SREBF1: variants seen among roughly 807,000 people sequenced by gnomAD.
The protein encoded by SREBF1 is sterol regulatory element-binding protein 1.
In SREBF1, 45 loss-of-function variants were observed where a neutral mutation model predicts 100.1. The observed-to-expected ratio is 0.45, with a 90% confidence interval of 0.35 to 0.58. SREBF1 has a LOEUF of 0.58. Ranked by LOEUF, SREBF1 falls within the 20% of genes least tolerant of loss-of-function variation. SREBF1 has a pLI of 0.00. For synonymous variants in SREBF1, 657 were observed against 681.8 expected (o/e 0.96, Z 0.57); for missense variants, 1,324 against 1,539.4 (o/e 0.86, Z 2.34).
chr17:17,829,206 AT>A (rs57922775), intron 1 of SREBF1, among the ~76,000 whole-genome samples: 54,904 of 92,864 alleles, frequency 0.59, 16,788 homozygotes, highest in Non-Finnish European at 0.66. Context: ...AAAAAAAAAA[AT>A]ATATATATAT....
Position 17,816,279 on chromosome 17 carries a change from C to G in SREBF1, c.2142G>C (p.Thr714=), listed in dbSNP as rs201544341. 502 of 1,598,848 alleles carry G rather than the reference C, an allele frequency of 3.1e-4. No individual in the cohort carries two copies. Among genetic ancestry groups the G allele is most frequent in the Middle Eastern group, 1.2e-3 (7 of 6,052 alleles). ...CAGCCGCCACATAGATCTCGGCCAG[C>G]GTCGCCACAGACACGGCATCCCCTG... The part of the protein sequence containing the change: ...ECAGDAVSVA[T]LAEIYVAAAL... Residue 714 remains threonine (T), a synonymous_variant, in exon 11 of 19, where the codon ACG becomes ACC. Coordinates refer to ENST00000261646, the MANE Select transcript of SREBF1 (RefSeq NM_004176.5).
chr17:17,820,209 GGGGT>G lies in SREBF1; in HGVS notation c.400_403del (p.Thr134ProfsTer29). On this transcript the variant is annotated frameshift_variant, in exon 2 of 19. Transcript: ENST00000261646. LOFTEE classifies it high-confidence loss of function. ...GGCCCCTGGCAGGGGCTGTGGGGTG[GGGGT>G]CTGCAGGATGCTCAGTGGCACTGAC... 6.2e-7 allele frequency: 1 copy of G among 1,613,506 alleles called. No homozygotes were observed. Among genetic ancestry groups the G allele is most frequent in the African/African-American group, 1.3e-5 (1 of 74,984 alleles).
chr17:17,823,550 G>A, intron 1 of SREBF1: 1 of 1,613,576 alleles, frequency 6.2e-7, no homozygotes. Context: ...TCCGCGATCT[G>A]CGCCCGCCCT....
rs1343130850 is a variant in SREBF1 at position 17,815,973 on chromosome 17, G to A, written c.2270C>T (p.Pro757Leu). 6.2e-7 allele frequency: 1 copy of A among 1,612,764 alleles called. No homozygotes were observed. Among genetic ancestry groups the A allele is most frequent in the South Asian group, 1.1e-5 (1 of 91,092 alleles). Residue 757 changes from proline to leucine, a missense_variant, in exon 12 of 19, where the codon CCT becomes CTT. Physicochemically the swap from Pro to Leu is moderately conservative, Grantham distance 98 (BLOSUM62 -3). Transcript: ENST00000261646. ...GTGGCAGAGCCACTGCATGGCAGGA[G>A]GCACTGAGCCACTCTGTGCCAGGCA... ...QACLAQSGSV[P>L]PAMQWLCHPV...
intron 1 of SREBF1, chr17:17,823,522 G>A: frequency 1.2e-6 from 2 of 1,612,504 alleles, no homozygotes; most frequent in Non-Finnish European, 8.5e-7. Flanking sequence ...AAATACCTTC[G>A]AAAGTGCAAT....
intron 12 of SREBF1, 151 bp from the exon 13 acceptor site, chr17:17,815,480 G>A: frequency 1.5e-6 from 1 of 647,930 alleles, no homozygotes; most frequent in Non-Finnish European, 2.7e-6. Flanking sequence ...AAGGACAGGG[G>A]AAAGCGGGTG....
At position 17,817,188 on chromosome 17, in the gene SREBF1, C is replaced by G; in HGVS notation, c.1607-52G>C. ...ACAGCTCCCAGGAAATCCAGAGCCC[C>G]AAGTTCACAAGCCTGGGGGCTCACC... On this transcript the variant is annotated intron_variant, in intron 8 of 18. Coordinates refer to ENST00000261646, the MANE Select transcript of SREBF1 (RefSeq NM_004176.5). The surrounding 1 kb of genome is among the most constrained non-coding windows in gnomAD (Gnocchi z 6.6). 1 of 1,612,016 alleles carries G rather than the reference C, an allele frequency of 6.2e-7. No homozygotes were observed. Among genetic ancestry groups the G allele is most frequent in the Non-Finnish European group, 8.5e-7 (1 of 1,179,470 alleles).
chr17:17,817,039 ACCG>A lies in SREBF1; in HGVS notation c.1701_1703del (p.Gly568del). 1 of 1,613,120 alleles carries A rather than the reference ACCG, an allele frequency of 6.2e-7. No homozygotes were observed. ...CTGAGTGGGGCCGTGTGACTGGCTC[ACCG>A]TAGACAAAGAGAAGCACCAAGGAGA... On this transcript the variant is annotated inframe_deletion, in exon 9 of 19. Transcript: ENST00000261646. This position sits in a 1 kb window ranked among gnomAD's most constrained non-coding sequence, Gnocchi z 6.6.
In SREBF1 at chr17:17,833,460, T is replaced by A. The variant is rs1209572068; in HGVS notation, c.91+3267A>T. Among the ~76,000 whole-genome samples the A allele has an allele frequency of 4.9e-5, 6 of 123,614 alleles. No homozygotes were observed. The East Asian group carries it at 1.0e-3, about 21-fold the overall frequency. The allele number at this position is 123,614 out of a possible 152,430, so 81.1% of individuals were successfully genotyped here. ...AAAAAAAAAAAAAAAAATATATATA[T>A]ATATATATATATATACACACACACA... On this transcript the variant is annotated intron_variant, in intron 1 of 18. Coordinates refer to ENST00000261646, the MANE Select transcript of SREBF1 (RefSeq NM_004176.5).
At position 17,814,749 on chromosome 17, in the gene SREBF1, T is replaced by A. The variant is rs1425833161; in HGVS notation, c.2603-2A>T. The A allele has an allele frequency of 1.9e-6, 3 of 1,611,474 alleles. No homozygotes were observed. The highest frequency in any genetic ancestry group is 3.3e-5 in the Admixed American group (2 of 59,900). ...ACCACTTGGCCACCGGGTCTACGCC[T>A]GCAGAAGAGGGAGGGTCCCCTGAAC... On this transcript the variant is annotated splice_acceptor_variant, in intron 14 of 18. Transcript: ENST00000261646. LOFTEE classifies it high-confidence loss of function.
In SREBF1 at chr17:17,814,181, G is replaced by C. The variant is rs537939492; in HGVS notation, c.2901+64C>G. 53 of 1,531,550 alleles carry C rather than the reference G, an allele frequency of 3.5e-5. No individual in the cohort carries two copies. The African/African-American group carries it at 5.6e-4, about 16-fold the overall frequency. The allele number at this position is 1,531,550 out of a possible 1,614,324, so 94.9% of individuals were successfully genotyped here. A position where few individuals can be genotyped will look rare whatever the true frequency, so the allele number is the denominator to read the frequency against. ...TTCTGCAGCCCCTGGGGGCTGGGGAGAGGAACCAGGGAATGGAAAGCTGAA... is the reference window on the plus strand; with the variant it reads ...TTCTGCAGCCCCTGGGGGCTGGGGACAGGAACCAGGGAATGGAAAGCTGAA... On this transcript the variant is annotated intron_variant, in intron 16 of 18. Coordinates refer to ENST00000261646, the MANE Select transcript of SREBF1 (RefSeq NM_004176.5).
Position 17,814,351 on chromosome 17 carries a change from C to T in SREBF1, c.2795G>A (p.Cys932Tyr). ...SFKAARALLG[C>Y]AKAESGPASL... ...GGCTGGACCAGACTCTGCCTTGGCA[C>T]AGCCCAGCAGGGCCCGGGCAGCCTT... The change falls in exon 16 of 19, where the codon TGT becomes TAT. Residue 932 changes from cysteine to tyrosine, a missense_variant. By Grantham distance (194) the Cys-to-Tyr change is radical (BLOSUM62 -2). Transcript: ENST00000261646. 6.3e-7 allele frequency: 1 copy of T among 1,578,836 alleles called. No individual in the cohort carries two copies. Among genetic ancestry groups the T allele is most frequent in the Non-Finnish European group, 8.6e-7 (1 of 1,162,148 alleles).
intron 1 of SREBF1, chr17:17,820,801 A>G: frequency 2.0e-6 from 1 of 490,232 alleles, no homozygotes; most frequent in East Asian, 3.8e-5. Flanking sequence ...ATCTTGCCCC[A>G]CAGCTAGGCT....
chr17:17,827,247 CA>C (rs1241458940), intron 1 of SREBF1, among the ~76,000 whole-genome samples: 2 of 152,166 alleles, frequency 1.3e-5, no homozygotes, highest in Non-Finnish European at 2.9e-5. Flanking sequence ...CCAAGGACCC[CA>C]ATTCTCCAGG....
chr17:17,818,191 G>T, intron 6 of SREBF1, 69 bp downstream of exon 6: 1 of 1,359,646 alleles, frequency 7.4e-7, no homozygotes, highest in Non-Finnish European at 1.0e-6. Flanking sequence ...CTAGGGATGG[G>T]GTGGGGCCGG....
intron 5 of SREBF1, chr17:17,818,663 C>T: frequency 2.0e-6 from 1 of 489,410 alleles, no homozygotes; most frequent in Non-Finnish European, 3.6e-6. Flanking sequence ...GGACCCTCAC[C>T]ATCCTCTTCC....
intron 1 of SREBF1, among the ~76,000 whole-genome samples, chr17:17,829,205 A>AAAAAATATATATATATATAT (rs1210718799): frequency 3.0e-5 from 2 of 65,870 alleles, no homozygotes; most frequent in Admixed American, 1.4e-4. Flanking sequence ...AAAAAAAAAA[A>AAAAAATATATATATATATAT]ATATATATAT....
chr17:17,814,005 G>T, intron 16 of SREBF1: 1 of 658,566 alleles, frequency 1.5e-6, no homozygotes, highest in Admixed American at 2.8e-5. Context: ...CCTCCAAAGG[G>T]ATCCTACCAC....
chr17:17,815,305 T>A lies in SREBF1; in HGVS notation c.2408A>T (p.Gln803Leu). Reference protein sequence around the residue: ...NPVDPLAQVTQLFREHLLERA... With the variant: ...NPVDPLAQVTLLFREHLLERA... ...CTCTAAGAGATGTTCCCGGAATAGC[T>A]GAGTCACCTGGGCCAGGGGGTCCAC... The change falls in exon 13 of 19, where the codon CAG (glutamine) becomes CTG (leucine). Residue 803 changes from glutamine (Q) to leucine (L), a missense_variant. Physicochemically the swap from Gln to Leu is moderately radical, Grantham distance 113. Transcript: ENST00000261646. 6.2e-7 allele frequency: 1 copy of A among 1,613,538 alleles called. No individual in the cohort carries two copies. Among genetic ancestry groups the A allele is most frequent in the Non-Finnish European group, 8.5e-7 (1 of 1,179,938 alleles).
Sources: allele counts gnomAD v4.1 joint callset (sites outside exome capture counted in the v4.1 genomes callset), GRCh38; gene constraint gnomAD v4.1.1; non-coding constraint Gnocchi (gnomAD v3.1); transcripts MANE v1.5; gene names NCBI Gene and HGNC (gene_info 2026-07-23, HGNC 2026-07-21).